Variants in PDE8B observed in about 807,000 individuals in gnomAD.
PDE8B encodes the protein high affinity cAMP-specific and IBMX-insensitive 3',5'-cyclic phosphodiesterase 8B.
PDE8B carries 26 observed loss-of-function variants against 101.3 expected under a neutral mutation model. The observed-to-expected ratio is 0.26, with a 90% CI of 0.19 to 0.36. The LOEUF is 0.36. Among genes scored for constraint, PDE8B ranks in the 10% least tolerant of loss-of-function variants. The probability of loss-of-function intolerance (pLI) is 1.00; values close to 1 mark genes in which losing one functional copy is unlikely to be tolerated. For missense variants in PDE8B, 810 were observed against 1,163.1 expected (o/e 0.70, Z 4.42); for synonymous variants, 424 against 429.3 (o/e 0.99, Z 0.15).
chr5:77,381,035 C>T (rs776658370), intron 10 of PDE8B, among the ~76,000 whole-genome samples: 1 of 152,092 alleles, frequency 6.6e-6, no homozygotes, highest in African/African-American at 2.4e-5. Context: ...GCCAGGATGG[C>T]CTGCAAGCTG....
intron 1 of PDE8B, among the ~76,000 whole-genome samples, chr5:77,218,557 A>AG (rs1318677202): frequency 6.6e-6 from 1 of 152,234 alleles, no homozygotes; most frequent in African/African-American, 2.4e-5. Flanking sequence ...TTAGAGCAGA[A>AG]GGATGATAAA....
the PDE8B span, among the ~76,000 whole-genome samples, chr5:77,126,660 C>T: frequency 6.6e-6 from 1 of 152,154 alleles, no homozygotes; most frequent in African/African-American, 2.4e-5. Flanking sequence ...CTCGAGCAAT[C>T]CTATCTGCCT....
the PDE8B span, among the ~76,000 whole-genome samples, chr5:77,142,877 A>C: frequency 6.6e-6 from 1 of 152,152 alleles, no homozygotes; most frequent in Non-Finnish European, 1.5e-5. Flanking sequence ...GAATTTACTC[A>C]ATGGCAGCTG....
chr5:77,095,813 C>T, the PDE8B span, among the ~76,000 whole-genome samples: 1 of 152,292 alleles, frequency 6.6e-6, no homozygotes, highest in Non-Finnish European at 1.5e-5. Context: ...AGCTTCACCA[C>T]AAATTTGAGG....
At chr5:77,090,249 C>CT in the PDE8B span, among the ~76,000 whole-genome samples, 130 of 151,468 alleles carry the variant, frequency 8.6e-4, no homozygotes, top group Non-Finnish European at 1.7e-3. Context: ...TTCTTTTTTT[C>CT]TTTTTTTTGA....
chr5:77,281,978 A>G (rs1765108492), intron 1 of PDE8B, among the ~76,000 whole-genome samples: 1 of 152,144 alleles, frequency 6.6e-6, no homozygotes, highest in East Asian at 1.9e-4. Flanking sequence ...ATACTTAGTA[A>G]TGTGTGTTTC....
At chr5:77,254,170 G>A (rs1758637319) in intron 1 of PDE8B, among the ~76,000 whole-genome samples, 1 of 151,950 alleles carries the variant, frequency 6.6e-6, no homozygotes, top group East Asian at 1.9e-4. Context: ...TGGTTGCTAA[G>A]CAACTAGATT....
At chr5:77,240,768 A>G (rs961348234) in intron 1 of PDE8B, among the ~76,000 whole-genome samples, 1 of 152,272 alleles carries the variant, frequency 6.6e-6, no homozygotes, top group African/African-American at 2.4e-5. Context: ...TAAAGAAAGA[A>G]AAATACATAA....
chr5:77,334,793 G>C (rs1425641371), intron 5 of PDE8B, among the ~76,000 whole-genome samples: 2 of 152,192 alleles, frequency 1.3e-5, no homozygotes, highest in Non-Finnish European at 2.9e-5. Context: ...GTTCACTAAA[G>C]TTAGATTTCC....
At chr5:77,114,552 A>C in the PDE8B span, 2 of 152,208 alleles carry the variant, frequency 1.3e-5, no homozygotes, top group Non-Finnish European at 2.9e-5. Flanking sequence ...TAGGAGAAAT[A>C]CCTAATGTAA....
At chr5:77,370,676 A>G (rs1008119346) in intron 10 of PDE8B, among the ~76,000 whole-genome samples, 7 of 152,210 alleles carry the variant, frequency 4.6e-5, no homozygotes, top group African/African-American at 1.7e-4. Flanking sequence ...GAAAATACCT[A>G]GGAGTAGATT....
intron 3 of PDE8B, among the ~76,000 whole-genome samples, chr5:77,325,963 C>G (rs527239420): frequency 1.3e-5 from 2 of 152,178 alleles, no homozygotes; most frequent in Admixed American, 1.3e-4. Flanking sequence ...GAGCTGGGCT[C>G]CCCTGATAAC....
chr5:77,091,456 A>G, the PDE8B span, among the ~76,000 whole-genome samples: 1 of 152,226 alleles, frequency 6.6e-6, no homozygotes, highest in African/African-American at 2.4e-5. Flanking sequence ...CCTGACCAAC[A>G]TGGTGAAACC....
chr5:77,197,764 G>A, the PDE8B span, among the ~76,000 whole-genome samples: 30 of 152,058 alleles, frequency 2.0e-4, no homozygotes, highest in African/African-American at 7.2e-4. Flanking sequence ...TTCTTCTGTT[G>A]TGTCTAATCT....
chr5:77,094,083 G>A, the PDE8B span, among the ~76,000 whole-genome samples: 3 of 152,014 alleles, frequency 2.0e-5, no homozygotes, highest in South Asian at 4.2e-4. Flanking sequence ...TGTTACCTTC[G>A]GAACCTGTAG....
At chr5:77,318,833 A>G (rs1330044929) in intron 2 of PDE8B, among the ~76,000 whole-genome samples, 1 of 152,236 alleles carries the variant, frequency 6.6e-6, no homozygotes, top group African/African-American at 2.4e-5. Context: ...AAGCCAAACC[A>G]AATATTCCAA....
At chr5:77,143,859 A>ATTTT in the PDE8B span, 64 of 115,194 alleles carry the variant, frequency 5.6e-4, no homozygotes, top group African/African-American at 2.0e-3. Context: ...TTCTTGAGGG[A>ATTTT]TTTTTTTTTT....
the PDE8B span, among the ~76,000 whole-genome samples, chr5:77,128,018 G>A: frequency 3.9e-5 from 6 of 152,116 alleles, no homozygotes; most frequent in Non-Finnish European, 5.9e-5. Context: ...CTATTTCACC[G>A]TGGGCTTGAG....
At chr5:77,172,993 A>G in the PDE8B span, among the ~76,000 whole-genome samples, 3 of 152,236 alleles carry the variant, frequency 2.0e-5, no homozygotes, top group Non-Finnish European at 2.9e-5. Flanking sequence ...AACCCAGCCA[A>G]TAAACACATA....
Sources: gnomAD v4.1 joint callset for allele counts (sites outside exome capture counted in the v4.1 genomes callset) on GRCh38, gnomAD v4.1.1 for gene constraint, MANE v1.5 for transcripts, NCBI Gene and HGNC (gene_info 2026-07-23, HGNC 2026-07-21) for gene names.